Variants in DYDC1 observed in about 807,000 individuals in gnomAD.
DYDC1 encodes the protein DPY30 domain containing 1.
Under a neutral mutation model 27.9 loss-of-function variants are expected in DYDC1, and 21 were observed. That is an observed-to-expected ratio of 0.75 (90% CI 0.53 to 1.08). The LOEUF is 1.08. Among genes scored for constraint, DYDC1 ranks in the 50% least tolerant of loss-of-function variants. The pLI, the probability that DYDC1 is intolerant of heterozygous loss-of-function variation, is 0.00. For synonymous variants in DYDC1, 67 were observed against 65.8 expected, an observed-to-expected ratio of 1.02 and a Z score of -0.09; for missense variants, 202 against 205.9, an observed-to-expected ratio of 0.98 and a Z score of 0.12.
intron 3 of DYDC1, among the ~76,000 whole-genome samples, chr10:80,349,183 G>T (rs1842843049): frequency 6.6e-6 from 1 of 152,186 alleles, no homozygotes; most frequent in South Asian, 2.1e-4. Flanking sequence ...GAGCCACCGC[G>T]CCCGGCCCGC....
intron 5 of DYDC1, 110 bp from the exon 6 acceptor site, chr10:80,338,681 T>C (rs1192909764): frequency 1.7e-6 from 2 of 1,157,206 alleles, no homozygotes; most frequent in African/African-American, 3.2e-5. Flanking sequence ...AAATTCAACA[T>C]TATTAATTAG....
chr10:80,338,870 A>G (rs1045060215), intron 5 of DYDC1, among the ~76,000 whole-genome samples: 6 of 152,218 alleles, frequency 3.9e-5, no homozygotes, highest in African/African-American at 1.4e-4. Flanking sequence ...AAGAGAGCCT[A>G]GTTTTTAAAA....
In DYDC1 at chr10:80,339,126, C is replaced by A; in HGVS notation, c.370G>T (p.Val124Phe). 2 of 1,374,104 alleles carry A rather than the reference C, an allele frequency of 1.5e-6. No homozygotes were observed. The highest frequency in any genetic ancestry group is 1.5e-5 in the South Asian group (1 of 67,718). 85.1% of individuals were successfully genotyped at this position (1,374,104 alleles called of 1,614,324 possible). A position where few individuals can be genotyped will look rare whatever the true frequency, so the allele number is the denominator to read the frequency against. ...GAATGTAGAATATCTTCATTCCTAA[C>A]TAGATTTTCCATATTCATTCTCATC... ...KEMRMNMENL[V>F]RNEDILHSEE... Residue 124 changes from valine to phenylalanine, a missense_variant, in exon 5 of 7, where the codon GTT becomes TTT. By Grantham distance (50) the Val-to-Phe change is conservative. Coordinates refer to ENST00000372202, the MANE Select transcript of DYDC1 (RefSeq NM_001269053.2).
intron 3 of DYDC1, among the ~76,000 whole-genome samples, chr10:80,349,092 C>T (rs1842836444): frequency 1.3e-5 from 2 of 152,092 alleles, no homozygotes; most frequent in Admixed American, 6.6e-5. Context: ...GGGGTTTCAC[C>T]GCGTTCGCCA....
At chr10:80,351,795 A>G in intron 3 of DYDC1, 106 bp downstream of exon 3, 1 of 958,270 alleles carries the variant, frequency 1.0e-6, no homozygotes, top group Non-Finnish European at 1.6e-6. Context: ...TTAGGAAGCC[A>G]TATCTAAATA....
intron 6 of DYDC1, chr10:80,337,092 C>T (rs1842155392): frequency 3.1e-6 from 3 of 976,028 alleles, no homozygotes; most frequent in South Asian, 9.5e-5. Context: ...TGGACGTTAG[C>T]CATTAATACT....
At chr10:80,337,898 AG>A (rs1316308911) in intron 6 of DYDC1, among the ~76,000 whole-genome samples, 2 of 152,202 alleles carry the variant, frequency 1.3e-5, no homozygotes, top group Non-Finnish European at 2.9e-5. Context: ...CATTCTCAAA[AG>A]CATACTGGTT....
chr10:80,344,623 A>G (rs1842500781), intron 3 of DYDC1: 1 of 158,368 alleles, frequency 6.3e-6, no homozygotes, highest in African/African-American at 2.4e-5. Context: ...GGGACCCAGA[A>G]GGAGTTAACT....
chr10:80,336,028 T>G (rs1842123518), downstream of DYDC1: 1 of 645,788 alleles, frequency 1.5e-6, no homozygotes, highest in East Asian at 3.0e-5. Context: ...TGAAGCCCAT[T>G]CATAAGCAGT....
At chr10:80,348,834 T>G (rs914958571) in intron 3 of DYDC1, among the ~76,000 whole-genome samples, 1 of 152,190 alleles carries the variant, frequency 6.6e-6, no homozygotes, top group African/African-American at 2.4e-5. Context: ...AGTAACTATG[T>G]AAAAAGACAT....
intron 6 of DYDC1, chr10:80,337,137 CTCTT>C: frequency 1.0e-6 from 1 of 985,430 alleles, no homozygotes. Context: ...ATTTTGCTGT[CTCTT>C]TCCTCTGGGC....
intron 6 of DYDC1, chr10:80,337,403 A>G: frequency 1.0e-6 from 1 of 985,460 alleles, no homozygotes; most frequent in Non-Finnish European, 1.2e-6. Context: ...ACAGCTCTTG[A>G]AAACAACATT....
chr10:80,342,286 G>A lies in DYDC1; in HGVS notation c.325C>T (p.Gln109Ter). 3 of 1,613,612 alleles carry A rather than the reference G, an allele frequency of 1.9e-6. No individual in the cohort carries two copies. The highest frequency in any genetic ancestry group is 2.5e-6 in the Non-Finnish European group (3 of 1,179,810). Residue 109 changes from glutamine (Q) to a stop codon, truncating the protein, a stop_gained, in exon 4 of 7, where the codon CAA becomes TAA. Transcript: ENST00000372202. LOFTEE classifies it high-confidence loss of function. Reference sequence around the variant, plus strand: ...CAAATTACCTTGCCTAATTGTTCTTGAGCTCTCTGTAGTTCTTGTATTCTC... The same window carrying A: ...CAAATTACCTTGCCTAATTGTTCTTAAGCTCTCTGTAGTTCTTGTATTCTC... ...RQRIQELQRA[Q>*]EQLGKEMRMN...
At chr10:80,348,072 C>T (rs949055765) in intron 3 of DYDC1, among the ~76,000 whole-genome samples, 7 of 152,300 alleles carry the variant, frequency 4.6e-5, no homozygotes, top group African/African-American at 1.7e-4. Context: ...AATACTAACT[C>T]TTCTGATATA....
intron 2 of DYDC1, 137 bp downstream of exon 2, chr10:80,352,318 T>G (rs1266889478): frequency 1.6e-6 from 2 of 1,259,496 alleles, no homozygotes; most frequent in African/African-American, 1.5e-5. Context: ...TCCTTCCTGC[T>G]TTTCATGTTG....
intron 4 of DYDC1, among the ~76,000 whole-genome samples, chr10:80,340,158 G>A (rs1302565743): frequency 6.6e-6 from 1 of 152,226 alleles, no homozygotes; most frequent in Admixed American, 6.5e-5. Flanking sequence ...GAGCAGCAGA[G>A]GGGAGAGCCC....
Position 80,349,542 on chromosome 10 carries a change from GC to G in DYDC1, c.249+2358del, listed in dbSNP as rs576771707. 1.7e-3 allele frequency among the ~76,000 whole-genome samples: 252 copies of G among 152,258 alleles called. 2 individuals carry two copies. Among genetic ancestry groups the G allele is most frequent in the African/African-American group, 6.0e-3 (248 of 41,544 alleles). On this transcript the variant is annotated intron_variant, in intron 3 of 6. Transcript: ENST00000372202. Reference sequence around the variant, plus strand: ...AGTGCTTGATATTTTATTTGCAAAAGCTTTTAAAGGTAATTTCTTAGTATTC... The same window carrying G: ...AGTGCTTGATATTTTATTTGCAAAAGTTTTAAAGGTAATTTCTTAGTATTC...
intron 3 of DYDC1, among the ~76,000 whole-genome samples, chr10:80,344,084 C>T: frequency 6.6e-6 from 1 of 151,994 alleles, no homozygotes; most frequent in South Asian, 2.1e-4. Flanking sequence ...CCACTGCACT[C>T]CAGCCTGGGT....
intron 3 of DYDC1, among the ~76,000 whole-genome samples, chr10:80,345,673 C>G (rs1842571530): frequency 6.6e-6 from 1 of 152,000 alleles, no homozygotes; most frequent in African/African-American, 2.4e-5. Flanking sequence ...TCTACATAGA[C>G]AGCATGTGGT....
Sources: gnomAD v4.1 joint callset for allele counts (sites outside exome capture counted in the v4.1 genomes callset) on GRCh38, gnomAD v4.1.1 for gene constraint, MANE v1.5 for transcripts, NCBI Gene and HGNC (gene_info 2026-07-23, HGNC 2026-07-21) for gene names.